The following CBLB variants were observed in gnomAD, a reference collection of about 807,000 sequenced individuals.
The protein encoded by CBLB is Cbl proto-oncogene B.
In CBLB, 31 loss-of-function variants were observed where a neutral mutation model predicts 104.9. That is an observed-to-expected ratio of 0.30 (90% confidence interval 0.22 to 0.40). The LOEUF is 0.40. Among genes scored for constraint, CBLB ranks in the 10% least tolerant of loss-of-function variants. The pLI, the probability that CBLB is intolerant of heterozygous loss-of-function variation, is 1.00. For missense variants in CBLB, 1,062 were observed against 1,214.6 expected (o/e 0.87, Z 1.87); for synonymous variants, 440 against 422.6 (o/e 1.04, Z -0.51).
At chr3:105,731,423 A>G (rs1191443666) in intron 9 of CBLB, among the ~76,000 whole-genome samples, 1 of 152,222 alleles carries the variant, frequency 6.6e-6, no homozygotes, top group Non-Finnish European at 1.5e-5. Context: ...ACAGTATGTC[A>G]CTTTGCTCAA....
chr3:105,687,822 A>C (rs544814108), intron 13 of CBLB, among the ~76,000 whole-genome samples: 16 of 151,988 alleles, frequency 1.1e-4, no homozygotes, highest in African/African-American at 3.6e-4. Flanking sequence ...TTCTGAAAAA[A>C]AAAACTGGTT....
intron 6 of CBLB, among the ~76,000 whole-genome samples, chr3:105,745,425 G>A (rs2076010343): frequency 6.6e-6 from 1 of 152,158 alleles, no homozygotes; most frequent in Non-Finnish European, 1.5e-5. Context: ...AAGTTTTCAA[G>A]GACACGAAAT....
chr3:105,823,331 C>T (rs1198273284), intron 3 of CBLB, among the ~76,000 whole-genome samples: 1 of 152,088 alleles, frequency 6.6e-6, no homozygotes, highest in Non-Finnish European at 1.5e-5. Context: ...CTCTTGGAGA[C>T]CTTCCATCCA....
At chr3:105,678,070 T>A (rs890509824) in intron 17 of CBLB, among the ~76,000 whole-genome samples, 2 of 152,162 alleles carry the variant, frequency 1.3e-5, no homozygotes, top group African/African-American at 4.8e-5. Context: ...TAAAAAACAT[T>A]GCATTGGGAA....
At chr3:105,849,445 GCAAGAATACACAGA>G (rs1214446428) in intron 3 of CBLB, among the ~76,000 whole-genome samples, 2 of 152,018 alleles carry the variant, frequency 1.3e-5, no homozygotes, top group African/African-American at 4.8e-5. Context: ...TAAAATGCAG[GCAAGAATACACAGA>G]ATGAGTGACC....
In CBLB at chr3:105,669,750, C is replaced by T. The variant is rs114715308; in HGVS notation, c.2689+483G>A. 4.2e-3 allele frequency among the ~76,000 whole-genome samples: 643 copies of T among 152,232 alleles called. 3 individuals carry two copies. The highest frequency in any genetic ancestry group is 0.015 in the African/African-American group (628 of 41,548). The stretch of plus-strand genomic sequence containing the variant: ...CCTCAAGAAGCAAAGAAGCAGCATT[C>T]CATTATTAACGGTTGTGAGTATGAC... On this transcript the variant is annotated intron_variant, in intron 18 of 18. Coordinates refer to ENST00000394030, the MANE Select transcript of CBLB (RefSeq NM_170662.5).
At chr3:105,662,853 G>C (rs2063922385) in intron 18 of CBLB, among the ~76,000 whole-genome samples, 1 of 152,196 alleles carries the variant, frequency 6.6e-6, no homozygotes, top group Admixed American at 6.5e-5. Context: ...TAAAAGAAGA[G>C]AGTGATGTGG....
At chr3:105,839,766 A>G (rs369420902) in intron 3 of CBLB, among the ~76,000 whole-genome samples, 4 of 152,390 alleles carry the variant, frequency 2.6e-5, no homozygotes, top group South Asian at 4.1e-4. Context: ...CACAGTCTGT[A>G]GTTTGCCAAG....
At chr3:105,705,432 C>T (rs530260362) in intron 10 of CBLB, among the ~76,000 whole-genome samples, 2 of 152,268 alleles carry the variant, frequency 1.3e-5, no homozygotes, top group Non-Finnish European at 2.9e-5. Flanking sequence ...TTTATTATTA[C>T]GTCTCCCTAC....
At chr3:105,787,769 C>A (rs891670489) in intron 3 of CBLB, among the ~76,000 whole-genome samples, 2 of 152,116 alleles carry the variant, frequency 1.3e-5, no homozygotes, top group African/African-American at 2.4e-5. Flanking sequence ...ATTTGAAAGC[C>A]TTGACTTTTA....
At chr3:105,666,462 C>T (rs1318420331) in intron 18 of CBLB, among the ~76,000 whole-genome samples, 1 of 152,004 alleles carries the variant, frequency 6.6e-6, no homozygotes, top group African/African-American at 2.4e-5. Flanking sequence ...CTGAGGTGGG[C>T]AGATCACAAG....
chr3:105,790,869 A>G (rs2081551597), intron 3 of CBLB, among the ~76,000 whole-genome samples: 1 of 152,204 alleles, frequency 6.6e-6, no homozygotes, highest in Non-Finnish European at 1.5e-5. Flanking sequence ...AGAACACATC[A>G]TAGATAGGAC....
intron 18 of CBLB, among the ~76,000 whole-genome samples, chr3:105,666,962 C>A (rs2064535206): frequency 6.6e-6 from 1 of 152,144 alleles, no homozygotes; most frequent in South Asian, 2.1e-4. Context: ...AAAATTCCAA[C>A]CCTTGCGTGA....
chr3:105,702,493 A>AAC lies in CBLB; in HGVS notation c.1594-35_1594-34insGT, dbSNP rs762614738. ...ACAGAAGAGAAAAAAAAAAAAAAAAAAAAAAACTAAAGGTTGTACCATGCA... is the reference window on the plus strand; with the variant it reads ...ACAGAAGAGAAAAAAAAAAAAAAAAAACAAAAAACTAAAGGTTGTACCATGCA... On this transcript the variant is annotated intron_variant, in intron 11 of 18. Coordinates refer to ENST00000394030, the MANE Select transcript of CBLB (RefSeq NM_170662.5). The AAC allele has an allele frequency of 4.3e-5, 63 of 1,477,376 alleles. 1 individual carries two copies. Among genetic ancestry groups the AAC allele is most frequent in the Middle Eastern group, 2.3e-4 (1 of 4,352 alleles). The allele number at this position is 1,477,376 out of a possible 1,614,324, so 91.5% of individuals were successfully genotyped here.
At chr3:105,823,188 G>A (rs2086120262) in intron 3 of CBLB, among the ~76,000 whole-genome samples, 1 of 152,164 alleles carries the variant, frequency 6.6e-6, no homozygotes, top group Non-Finnish European at 1.5e-5. Context: ...TGCTTCTACT[G>A]AAAATAGATG....
chr3:105,820,345 G>T (rs888875871), intron 3 of CBLB, among the ~76,000 whole-genome samples: 2 of 152,162 alleles, frequency 1.3e-5, no homozygotes, highest in Non-Finnish European at 2.9e-5. Flanking sequence ...CCTGATATCG[G>T]TATCGGTCTG....
At chr3:105,659,702 CCACAGGTCCTGAGTCCCATCCATGT>C (rs1379771870) in intron 18 of CBLB, among the ~76,000 whole-genome samples, 1 of 152,072 alleles carries the variant, frequency 6.6e-6, no homozygotes, top group Non-Finnish European at 1.5e-5. Context: ...CAGAACGTCC[CCACAGGTCCTGAGTCCCATCCATGT>C]CACAGCAGAA....
chr3:105,838,218 G>C (rs538355592), intron 3 of CBLB, among the ~76,000 whole-genome samples: 1 of 148,076 alleles, frequency 6.8e-6, no homozygotes, highest in South Asian at 2.1e-4. Flanking sequence ...AGAGTAGCTG[G>C]GACCACAGGC....
rs2063460222 is a variant in CBLB at position 105,658,032 on chromosome 3, G to A, written c.*938C>T. 9.3e-6 allele frequency: 2 copies of A among 214,122 alleles called. No homozygotes were observed. Among genetic ancestry groups the A allele is most frequent in the South Asian group, 3.7e-4 (2 of 5,362 alleles). 13.3% of individuals were successfully genotyped at this position (214,122 alleles called of 1,614,324 possible). A position where few individuals can be genotyped will look rare whatever the true frequency, so the allele number is the denominator to read the frequency against. On this transcript the variant is annotated 3_prime_UTR_variant, in exon 19 of 19. Transcript: ENST00000394030. Reference sequence around the variant, plus strand: ...CTGAAAATTATTAATATATTTCAGGGAGATGGTCCTCTCATTCAGCATCCC... The same window carrying A: ...CTGAAAATTATTAATATATTTCAGGAAGATGGTCCTCTCATTCAGCATCCC...
Sources: gnomAD v4.1 joint callset for allele counts (sites outside exome capture counted in the v4.1 genomes callset) on GRCh38, gnomAD v4.1.1 for gene constraint, MANE v1.5 for transcripts, NCBI Gene and HGNC (gene_info 2026-07-23, HGNC 2026-07-21) for gene names.